Variants in RGS6 observed in about 807,000 individuals in gnomAD.
The protein encoded by RGS6 is regulator of G-protein signaling 6.
RGS6 carries 30 observed loss-of-function variants against 78.5 expected under a neutral mutation model. The ratio of observed to expected loss-of-function variants is 0.38; its 90% CI spans 0.29 to 0.52. The LOEUF (loss-of-function observed/expected upper bound fraction) is 0.52. Among genes scored for constraint, RGS6 ranks in the 20% least tolerant of loss-of-function variants. RGS6 has a pLI of 0.85. For missense variants in RGS6, 495 were observed against 609.7 expected, an observed-to-expected ratio of 0.81 and a Z score of 1.98; for synonymous variants, 206 against 206.0, an observed-to-expected ratio of 1.00 and a Z score of 0.00.
chr14:72,238,480 C>A (rs955345822), intron 2 of RGS6, among the ~76,000 whole-genome samples: 1 of 152,286 alleles, frequency 6.6e-6, no homozygotes, highest in Middle Eastern at 3.4e-3. Flanking sequence ...TCCCTTCCCC[C>A]CAAGCATTGC....
At chr14:72,219,999 C>T (rs889375273) in intron 2 of RGS6, among the ~76,000 whole-genome samples, 1 of 152,028 alleles carries the variant, frequency 6.6e-6, no homozygotes, top group Non-Finnish European at 1.5e-5. Context: ...TTGTCTCTGC[C>T]CAAAAGCTCC....
chr14:72,123,553 G>A (rs2096111360), intron 2 of RGS6, among the ~76,000 whole-genome samples: 1 of 152,196 alleles, frequency 6.6e-6, no homozygotes, highest in Non-Finnish European at 1.5e-5. Flanking sequence ...CGTAATGAAA[G>A]TGTGACTAGC....
At chr14:71,967,271 TAGAA>T (rs2093580284) in intron 2 of RGS6, among the ~76,000 whole-genome samples, 1 of 151,888 alleles carries the variant, frequency 6.6e-6, no homozygotes, top group South Asian at 2.1e-4. Flanking sequence ...TTCAGTCTGT[TAGAA>T]AGAAGACACA....
chr14:72,326,965 C>A (rs1040955438), intron 2 of RGS6, among the ~76,000 whole-genome samples: 1 of 152,126 alleles, frequency 6.6e-6, no homozygotes, highest in Admixed American at 6.5e-5. Context: ...CCTCGGCCTC[C>A]CAAAGTGCTG....
intron 2 of RGS6, among the ~76,000 whole-genome samples, chr14:72,082,216 T>C (rs546345366): frequency 6.6e-6 from 1 of 152,266 alleles, no homozygotes; most frequent in African/African-American, 2.4e-5. Flanking sequence ...TAAAGATTAA[T>C]TGCATCTTTA....
In RGS6 at chr14:72,324,877, G is replaced by C. The variant is rs145607688; in HGVS notation, c.85-27218G>C. ...ATCCTTTGGGTATATATCCAGTAAT[G>C]GGATGGCTGGGTCAAATGGTATTTC... On this transcript the variant is annotated intron_variant, in intron 2 of 17. Coordinates refer to ENST00000553525, the MANE Select transcript of RGS6 (RefSeq NM_001204424.2). 8.9e-3 allele frequency among the ~76,000 whole-genome samples: 1,357 copies of C among 152,248 alleles called. 21 individuals are homozygous for C. The highest frequency in any genetic ancestry group is 0.031 in the African/African-American group (1,300 of 41,538).
chr14:72,467,722 G>A (rs908279049), intron 7 of RGS6, among the ~76,000 whole-genome samples: 2 of 152,170 alleles, frequency 1.3e-5, no homozygotes, highest in Non-Finnish European at 1.5e-5. Context: ...ATGATCATAT[G>A]TTGGAATATT....
chr14:72,222,801 C>T (rs889115850), intron 2 of RGS6, among the ~76,000 whole-genome samples: 8 of 152,194 alleles, frequency 5.3e-5, no homozygotes, highest in African/African-American at 1.9e-4. Flanking sequence ...AGCTACACTG[C>T]TAAGTGCTAA....
chr14:72,574,788 T>C, the RGS6 span, among the ~76,000 whole-genome samples: 1 of 151,956 alleles, frequency 6.6e-6, no homozygotes, highest in African/African-American at 2.4e-5. Flanking sequence ...GAGGGTGCAG[T>C]GGGTGGACTC....
chr14:72,415,562 G>T (rs2093745069), intron 3 of RGS6, among the ~76,000 whole-genome samples: 1 of 152,230 alleles, frequency 6.6e-6, no homozygotes, highest in Non-Finnish European at 1.5e-5. Context: ...CCACTGTCCA[G>T]CACTACCCAG....
At chr14:72,127,987 CG>C in intron 2 of RGS6, among the ~76,000 whole-genome samples, 1 of 152,202 alleles carries the variant, frequency 6.6e-6, no homozygotes, top group African/African-American at 2.4e-5. Context: ...AGTTGTTGCA[CG>C]TATCAAGGGC....
In RGS6 at chr14:71,978,692, A is replaced by G. The variant is rs1415155181; in HGVS notation, c.84+13817A>G. ...GTATTTTATTGAGGATTTTTGCATCAATGTTCATCAAGGATATTGGTCTAA... is the reference window on the plus strand; with the variant it reads ...GTATTTTATTGAGGATTTTTGCATCGATGTTCATCAAGGATATTGGTCTAA... On this transcript the variant is annotated intron_variant, in intron 2 of 17. Coordinates refer to ENST00000553525, the MANE Select transcript of RGS6 (RefSeq NM_001204424.2). 3.3e-5 allele frequency among the ~76,000 whole-genome samples: 5 copies of G among 151,778 alleles called. No homozygotes were observed. The East Asian group carries it at 5.8e-4, about 18-fold the overall frequency.
intron 11 of RGS6, chr14:72,477,080 C>A: frequency 2.1e-6 from 1 of 483,756 alleles, no homozygotes; most frequent in Non-Finnish European, 3.7e-6. Context: ...TGAGTCATCC[C>A]ATGCCTTGGG....
chr14:72,598,193 C>G, the RGS6 span, among the ~76,000 whole-genome samples: 1 of 152,346 alleles, frequency 6.6e-6, no homozygotes, highest in Non-Finnish European at 1.5e-5. Flanking sequence ...GGGCCAGCAC[C>G]TAGAACCTCC....
chr14:72,349,360 C>T (rs1311682460), intron 2 of RGS6, among the ~76,000 whole-genome samples: 1 of 152,112 alleles, frequency 6.6e-6, no homozygotes, highest in Non-Finnish European at 1.5e-5. Flanking sequence ...GGAGTAACTA[C>T]AGCCATGCAG....
chr14:72,125,044 A>G (rs953888115), intron 2 of RGS6, among the ~76,000 whole-genome samples: 30 of 152,236 alleles, frequency 2.0e-4, no homozygotes, highest in Admixed American at 7.9e-4. Context: ...GTTAACAAAT[A>G]TAAAAGATGC....
At chr14:72,509,898 C>T (rs182129459) in intron 13 of RGS6, among the ~76,000 whole-genome samples, 1 of 152,314 alleles carries the variant, frequency 6.6e-6, no homozygotes, top group African/African-American at 2.4e-5. Context: ...GCATGGTAGA[C>T]AGCAGCCATT....
chr14:72,458,095 T>C (rs1029298373), intron 4 of RGS6, among the ~76,000 whole-genome samples, 176 bp from the exon 5 acceptor site: 6 of 152,124 alleles, frequency 3.9e-5, no homozygotes, highest in African/African-American at 1.4e-4. Flanking sequence ...AGACACATAG[T>C]TGCCCTTTCC....
intron 3 of RGS6, among the ~76,000 whole-genome samples, chr14:72,453,421 C>A (rs2095544637): frequency 6.6e-6 from 1 of 150,830 alleles, no homozygotes; most frequent in African/African-American, 2.4e-5. Context: ...CGAGACCATC[C>A]CGGCTAAAAC....
Sources: allele counts gnomAD v4.1 joint callset (sites outside exome capture counted in the v4.1 genomes callset), GRCh38; gene constraint gnomAD v4.1.1; transcripts MANE v1.5; gene names NCBI Gene and HGNC (gene_info 2026-07-23, HGNC 2026-07-21).